Variants in VAC14 observed in about 807,000 individuals in gnomAD.
VAC14 encodes protein VAC14 homolog.
VAC14 carries 47 observed loss-of-function variants against 85.3 expected under a neutral mutation model. The ratio of observed to expected loss-of-function variants is 0.55; its 90% CI spans 0.44 to 0.70. VAC14 has a LOEUF of 0.70. Among genes scored for constraint, VAC14 ranks in the 30% least tolerant of loss-of-function variants. VAC14 has a pLI of 0.00. For missense variants in VAC14, 861 were observed against 1,004.3 expected, an observed-to-expected ratio of 0.86 and a Z score of 1.93; for synonymous variants, 447 against 430.5, an observed-to-expected ratio of 1.04 and a Z score of -0.47.
At chr16:70,757,300 G>A (rs988126738) in intron 12 of VAC14, among the ~76,000 whole-genome samples, 3 of 152,198 alleles carry the variant, frequency 2.0e-5, no homozygotes, top group African/African-American at 4.8e-5. Flanking sequence ...TGCTGACGAC[G>A]CCATTTCTCT....
Position 70,707,478 on chromosome 16 carries a change from G to C in VAC14, c.1662-8667C>G, listed in dbSNP as rs902164183. On this transcript the variant is annotated intron_variant, in intron 14 of 18. Coordinates refer to ENST00000261776, the MANE Select transcript of VAC14 (RefSeq NM_018052.5). ...CTTAGCCATCTGTCCCTCTGTGCAA[G>C]AGGAGGTGCCATCGGGCTCTGGGAG... is the stretch of plus-strand genomic sequence containing the variant. Among the ~76,000 whole-genome samples, 6 of 152,304 alleles carry C rather than the reference G, an allele frequency of 3.9e-5. No homozygotes were observed. In the South Asian group the frequency reaches 6.2e-4, roughly 16 times the overall value.
Position 70,752,941 on chromosome 16 carries a change from G to T in VAC14, c.1372-8362C>A, listed in dbSNP as rs140263067. On this transcript the variant is annotated intron_variant, in intron 12 of 18. Transcript: ENST00000261776. ...TGGAGAGGGATTAGAGCTAGGAGAG[G>T]GTCTGAGTGGACGGGGGGACATAAA... is the stretch of plus-strand genomic sequence containing the variant. Among the ~76,000 whole-genome samples the T allele has an allele frequency of 4.3e-4, 65 of 152,168 alleles. 1 individual carries two copies. The highest frequency in any genetic ancestry group is 1.4e-3 in the African/African-American group (57 of 41,502).
intron 12 of VAC14, among the ~76,000 whole-genome samples, chr16:70,746,501 A>T (rs1597926540): frequency 6.6e-6 from 1 of 152,290 alleles, no homozygotes; most frequent in South Asian, 2.1e-4. Flanking sequence ...AGAGCTGATG[A>T]ATCCACGTGG....
At chr16:70,754,473 C>T (rs2143025596) in intron 12 of VAC14, among the ~76,000 whole-genome samples, 1 of 152,334 alleles carries the variant, frequency 6.6e-6, no homozygotes, top group South Asian at 2.1e-4. Flanking sequence ...AGTCTAGCTG[C>T]TTTGCTGGCT....
chr16:70,712,061 C>G (rs932712544), intron 14 of VAC14, among the ~76,000 whole-genome samples: 1 of 152,054 alleles, frequency 6.6e-6, no homozygotes, highest in Non-Finnish European at 1.5e-5. Context: ...GAGGGGTTCT[C>G]CTATTTGTAC....
intron 12 of VAC14, among the ~76,000 whole-genome samples, chr16:70,751,573 C>A (rs1228627709): frequency 6.6e-6 from 1 of 152,240 alleles, no homozygotes; most frequent in African/African-American, 2.4e-5. Context: ...TGGCCCCTTC[C>A]TTCGTGAGGG....
At chr16:70,747,116 C>T (rs2030961607) in intron 12 of VAC14, 1 of 152,190 alleles carries the variant, frequency 6.6e-6, no homozygotes, top group Middle Eastern at 3.4e-3. Flanking sequence ...AGAAATGGAA[C>T]GTGGCACATC....
intron 14 of VAC14, among the ~76,000 whole-genome samples, chr16:70,722,933 T>C (rs1170029393): frequency 1.3e-5 from 2 of 152,036 alleles, no homozygotes; most frequent in African/African-American, 2.4e-5. Context: ...ATAAAAAATG[T>C]AGCCAGGTGA....
At chr16:70,704,649 G>A (rs537455551) in intron 14 of VAC14, among the ~76,000 whole-genome samples, 2 of 152,318 alleles carry the variant, frequency 1.3e-5, no homozygotes, top group Non-Finnish European at 2.9e-5. Context: ...GTGGGAGAGA[G>A]GGAGCAGTTC....
At chr16:70,703,742 C>T (rs2053872377) in intron 14 of VAC14, among the ~76,000 whole-genome samples, 1 of 152,178 alleles carries the variant, frequency 6.6e-6, no homozygotes, top group Admixed American at 6.5e-5. Flanking sequence ...TGCCACATAC[C>T]CAGGCGCTCT....
In VAC14 at chr16:70,784,107, C is replaced by A. The variant is rs758692297; in HGVS notation, c.594+6G>T. On this transcript the variant is annotated splice_donor_region_variant and intron_variant, in intron 5 of 18. Coordinates refer to ENST00000261776, the MANE Select transcript of VAC14 (RefSeq NM_018052.5). The stretch of plus-strand genomic sequence containing the variant: ...GCTGGAGAAACGGTGTCCGGCCAGG[C>A]CTTACCCAGGAGATGATGAACTGCC... The A allele has an allele frequency of 2.5e-6, 4 of 1,613,112 alleles. No individual in the cohort carries two copies. Among genetic ancestry groups the A allele is most frequent in the East Asian group, 2.2e-5 (1 of 44,896 alleles).
intron 13 of VAC14, 100 bp from the exon 14 acceptor site, chr16:70,731,727 G>T: frequency 7.7e-7 from 1 of 1,303,778 alleles, no homozygotes; most frequent in Non-Finnish European, 1.0e-6. Context: ...CCAAAAAGAT[G>T]TGTGTGGGGG....
intron 12 of VAC14, among the ~76,000 whole-genome samples, chr16:70,749,312 C>T (rs1372422126): frequency 6.6e-6 from 1 of 152,254 alleles, no homozygotes. Flanking sequence ...CACCCCACTG[C>T]AGAGCACAGC....
intron 12 of VAC14, chr16:70,745,050 C>G (rs2030736757): frequency 6.3e-6 from 1 of 158,278 alleles, no homozygotes; most frequent in Non-Finnish European, 1.4e-5. Context: ...ACAGCTGCTT[C>G]TGCAGAGGTG....
Position 70,698,028 on chromosome 16 carries a change from C to G in VAC14, c.1836+609G>C, listed in dbSNP as rs557421932. Among the ~76,000 whole-genome samples the G allele has an allele frequency of 4.3e-3, 650 of 152,314 alleles. 2 individuals carry two copies. The highest frequency in any genetic ancestry group is 0.014 in the Middle Eastern group (4 of 294). On this transcript the variant is annotated intron_variant, in intron 15 of 18. Coordinates refer to ENST00000261776, the MANE Select transcript of VAC14 (RefSeq NM_018052.5). ...CGAGAGGCCTGGGACCCGCGTCTCT[C>G]CTTGTTCATAGGGGAGTGAGAGTGA...
At chr16:70,719,211 C>T (rs558570692) in intron 14 of VAC14, among the ~76,000 whole-genome samples, 13 of 152,292 alleles carry the variant, frequency 8.5e-5, no homozygotes, top group South Asian at 8.3e-4. Context: ...AGAAAAAACA[C>T]CTCTCGATTC....
chr16:70,794,314 G>A (rs2034454886), intron 1 of VAC14, among the ~76,000 whole-genome samples: 2 of 152,184 alleles, frequency 1.3e-5, no homozygotes, highest in Admixed American at 1.3e-4. Context: ...CCCTAGGCAA[G>A]CCCGAGTCTA....
At chr16:70,759,031 G>A (rs1409041097) in intron 12 of VAC14, among the ~76,000 whole-genome samples, 1 of 152,214 alleles carries the variant, frequency 6.6e-6, no homozygotes, top group South Asian at 2.1e-4. Flanking sequence ...AATGGCAGAC[G>A]AGACACCCCA....
intron 3 of VAC14, 142 bp downstream of exon 3, chr16:70,785,560 T>G: frequency 1.0e-6 from 1 of 986,816 alleles, no homozygotes; most frequent in Non-Finnish European, 1.5e-6. Context: ...ATGATTAGAT[T>G]CAACAGACAG....
Sources: allele counts gnomAD v4.1 joint callset (sites outside exome capture counted in the v4.1 genomes callset), GRCh38; gene constraint gnomAD v4.1.1; transcripts MANE v1.5; gene names NCBI Gene and HGNC (gene_info 2026-07-23, HGNC 2026-07-21).